CERKL: variants seen among roughly 807,000 people sequenced by gnomAD.
The protein encoded by CERKL is CERK like autophagy regulator.
CERKL carries 61 observed loss-of-function variants against 63.4 expected under a neutral mutation model. That is an observed-to-expected ratio of 0.96 (90% confidence interval 0.78 to 1.19). The LOEUF (loss-of-function observed/expected upper bound fraction) is 1.19. CERKL is among the 50% of genes most tolerant of loss of function. The probability of loss-of-function intolerance (pLI) is 0.00; values close to 1 mark genes in which losing one functional copy is unlikely to be tolerated. For synonymous variants in CERKL, 250 were observed against 230.5 expected, an observed-to-expected ratio of 1.08 and a Z score of -0.77; for missense variants, 675 against 655.5, an observed-to-expected ratio of 1.03 and a Z score of -0.33.
intron 1 of CERKL, among the ~76,000 whole-genome samples, chr2:181,610,767 T>C (rs1685931962): frequency 6.6e-6 from 1 of 152,202 alleles, no homozygotes; most frequent in Non-Finnish European, 1.5e-5. Context: ...ATGAGACTAA[T>C]TTTTTCTTAT....
chr2:181,559,718 A>G (rs1688357966), intron 4 of CERKL, among the ~76,000 whole-genome samples: 3 of 152,212 alleles, frequency 2.0e-5, no homozygotes, highest in South Asian at 2.1e-4. Context: ...AAAACTGTCT[A>G]TGGGCCACAG....
At chr2:181,654,562 T>C (rs1175913771) in intron 1 of CERKL, among the ~76,000 whole-genome samples, 1 of 152,178 alleles carries the variant, frequency 6.6e-6, no homozygotes, top group Non-Finnish European at 1.5e-5. Flanking sequence ...CTCATCCTTT[T>C]CTGAGGCAGC....
rs866282664 is a variant in CERKL, at chr2:181,603,402, C to T, written c.481+435G>A. On this transcript the variant is annotated intron_variant, in intron 2 of 12. Transcript: ENST00000410087. ...TAGTCATTCAAGAGTTACTTCCTAA[C>T]TCATTCTATGAGGCCAGTATTACCC... Among the ~76,000 whole-genome samples the T allele has an allele frequency of 4.9e-4, 74 of 152,260 alleles. 1 individual carries two copies. Among genetic ancestry groups the T allele is most frequent in the Middle Eastern group, 6.8e-3 (2 of 294 alleles).
chr2:181,558,850 G>C lies in CERKL; in HGVS notation c.678-142C>G. On this transcript the variant is annotated intron_variant, in intron 4 of 12. Transcript: ENST00000410087. This position sits in a 1 kb window ranked among gnomAD's most constrained non-coding sequence, Gnocchi z 4.2. ...CATGTACCTTTAAACATGTTAATAT[G>C]TGTCAATGGGTAAGACAACACAAAC... is the stretch of plus-strand genomic sequence containing the variant. 1 of 781,932 alleles carries C rather than the reference G, an allele frequency of 1.3e-6. No homozygotes were observed. The highest frequency in any genetic ancestry group is 2.0e-5 in the Admixed American group (1 of 49,276). 48.4% of individuals were successfully genotyped at this position (781,932 alleles called of 1,614,324 possible). A position where few individuals can be genotyped will look rare whatever the true frequency, so the allele number is the denominator to read the frequency against.
At chr2:181,605,634 G>A (rs1685643656) in intron 1 of CERKL, among the ~76,000 whole-genome samples, 1 of 151,962 alleles carries the variant, frequency 6.6e-6, no homozygotes, top group African/African-American at 2.4e-5. Flanking sequence ...CTAGAACAAT[G>A]CCAAAAAAAT....
chr2:181,613,394 G>A (rs1044987566), intron 1 of CERKL, among the ~76,000 whole-genome samples: 1 of 152,166 alleles, frequency 6.6e-6, no homozygotes, highest in African/African-American at 2.4e-5. Flanking sequence ...AAGGAGATGC[G>A]AGGTTAGACT....
intron 3 of CERKL, among the ~76,000 whole-genome samples, chr2:181,569,511 G>A (rs190695798): frequency 3.3e-5 from 5 of 152,240 alleles, no homozygotes; most frequent in African/African-American, 4.8e-5. Flanking sequence ...TGTTAGAAGC[G>A]TGATTTTAGG....
At position 181,645,476 on chromosome 2, in the gene CERKL, C is replaced by T. The variant is rs543430648; in HGVS notation, c.238+11293G>A. 1.3e-3 allele frequency among the ~76,000 whole-genome samples: 192 copies of T among 152,362 alleles called. 2 individuals carry two copies. The highest frequency in any genetic ancestry group is 2.8e-4 in the Non-Finnish European group (19 of 68,040). The stretch of plus-strand genomic sequence containing the variant: ...CTGCCCTGTTCACTGGGAGGCCATA[C>T]TGCATGGACTGCATCAAGTGCTCCC... On this transcript the variant is annotated intron_variant, in intron 1 of 12. Coordinates refer to ENST00000410087, the MANE Select transcript of CERKL (RefSeq NM_201548.5).
intron 4 of CERKL, among the ~76,000 whole-genome samples, chr2:181,561,698 AT>A (rs1688452307): frequency 6.6e-6 from 1 of 152,170 alleles, no homozygotes; most frequent in Non-Finnish European, 1.5e-5. Context: ...TTAAGGTCTG[AT>A]AAGAGATATT....
intron 1 of CERKL, among the ~76,000 whole-genome samples, chr2:181,634,116 G>A (rs764441001): frequency 1.3e-4 from 20 of 151,960 alleles, no homozygotes; most frequent in African/African-American, 1.9e-4. Flanking sequence ...AGACAGCTTC[G>A]GTTTCTCTCT....
chr2:181,593,048 G>A (rs990237896), intron 2 of CERKL, among the ~76,000 whole-genome samples: 1 of 152,078 alleles, frequency 6.6e-6, no homozygotes, highest in Non-Finnish European at 1.5e-5. Flanking sequence ...ACCCTTTATT[G>A]AGTACCTGCT....
chr2:181,573,852 G>A lies in CERKL; in HGVS notation c.514C>T (p.Leu172Phe). Residue 172 changes from leucine (L) to phenylalanine (F), a missense_variant, in exon 3 of 13, where the codon CTC (leucine) becomes TTC (phenylalanine). By Grantham distance (22) the Leu-to-Phe change is conservative (BLOSUM62 0). Transcript: ENST00000410087. ...FPNRPKSLKI[L>F]LNPQSHKKEA... ...TTTTTGTGACTTTGGGGGTTAAGGAGTATTTTTAATGACTTCGGTCTGTTT... is the reference window on the plus strand; with the variant it reads ...TTTTTGTGACTTTGGGGGTTAAGGAATATTTTTAATGACTTCGGTCTGTTT... 1 of 1,612,706 alleles carries A rather than the reference G, an allele frequency of 6.2e-7. No individual in the cohort carries two copies. Among genetic ancestry groups the A allele is most frequent in the East Asian group, 2.2e-5 (1 of 44,698 alleles).
intron 2 of CERKL, among the ~76,000 whole-genome samples, chr2:181,582,920 T>C (rs767922645): frequency 6.6e-6 from 1 of 152,126 alleles, no homozygotes; most frequent in African/African-American, 2.4e-5. Context: ...CCACCAAACC[T>C]AGTCTACCTA....
At chr2:181,628,950 T>C (rs903425423) in intron 1 of CERKL, among the ~76,000 whole-genome samples, 1 of 152,192 alleles carries the variant, frequency 6.6e-6, no homozygotes, top group Non-Finnish European at 1.5e-5. Flanking sequence ...AGAACACGCT[T>C]CTATGTCTAC....
At chr2:181,565,907 A>T in intron 4 of CERKL, 151 bp downstream of exon 4, 1 of 615,678 alleles carries the variant, frequency 1.6e-6, no homozygotes, top group Non-Finnish European at 2.9e-6. Context: ...TATTATCATT[A>T]ATTATTATTA....
chr2:181,656,884 C>T lies in CERKL; in HGVS notation c.123G>A (p.Ala41=), dbSNP rs1574077576. The change falls in exon 1 of 13, where the codon GCG becomes GCA. Residue 41 remains alanine (A), a synonymous_variant. Coordinates refer to ENST00000410087, the MANE Select transcript of CERKL (RefSeq NM_201548.5). ...CCCGGAGCAGAATCCGCTCGGCCGC[C>T]GCCTCCGTCTGCTGCGGGGACGTTA... ...ALLTSPQQTE[A]AAERILLRGI... 1 of 1,605,582 alleles carries T rather than the reference C, an allele frequency of 6.2e-7. No individual in the cohort carries two copies. Among genetic ancestry groups the T allele is most frequent in the South Asian group, 1.1e-5 (1 of 90,618 alleles).
intron 2 of CERKL, among the ~76,000 whole-genome samples, chr2:181,580,446 T>A (rs1429157141): frequency 6.6e-6 from 1 of 152,112 alleles, no homozygotes; most frequent in Non-Finnish European, 1.5e-5. Flanking sequence ...ACAATTATTT[T>A]ATCTGTAAAT....
chr2:181,649,449 A>T (rs1359072762), intron 1 of CERKL: 1 of 152,244 alleles, frequency 6.6e-6, no homozygotes, highest in Non-Finnish European at 1.5e-5. Context: ...AATAATAGTA[A>T]GAGACTTTAA....
At chr2:181,542,498 GAAGGA>G (rs1687551498) in intron 11 of CERKL, among the ~76,000 whole-genome samples, 1 of 152,218 alleles carries the variant, frequency 6.6e-6, no homozygotes, top group South Asian at 2.1e-4. Context: ...ATGTCACCAT[GAAGGA>G]AAGAGCCTAA....
Sources: gnomAD v4.1 joint callset for allele counts (sites outside exome capture counted in the v4.1 genomes callset) on GRCh38, gnomAD v4.1.1 for gene constraint, Gnocchi (gnomAD v3.1) non-coding constraint, MANE v1.5 for transcripts, NCBI Gene and HGNC (gene_info 2026-07-23, HGNC 2026-07-21) for gene names.